The following TRIQK variants were observed in gnomAD, a reference collection of about 807,000 sequenced individuals.
TRIQK encodes the protein triple QxxK/R motif containing, also known as triple QxxK/R motif-containing protein.
In TRIQK, 10 loss-of-function variants were observed where a neutral mutation model predicts 10.8. That is an observed-to-expected ratio of 0.92 (90% confidence interval 0.57 to 1.57). The LOEUF (loss-of-function observed/expected upper bound fraction) is 1.57, where lower values mean the gene tolerates loss of function less well. TRIQK is among the 40% of genes most tolerant of loss of function. TRIQK has a pLI of 0.00. For missense variants in TRIQK, 107 were observed against 97.7 expected (o/e 1.09, Z -0.40); for synonymous variants, 33 against 33.7 (o/e 0.98, Z 0.07).
intron 4 of TRIQK, among the ~76,000 whole-genome samples, chr8:92,887,397 G>A (rs549561411): frequency 6.6e-6 from 1 of 151,382 alleles, no homozygotes; most frequent in African/African-American, 2.4e-5. Flanking sequence ...TTTTTCATTT[G>A]TGATGTGATG....
chr8:93,000,564 C>T (rs1813199895), intron 1 of TRIQK, among the ~76,000 whole-genome samples: 1 of 152,060 alleles, frequency 6.6e-6, no homozygotes, highest in African/African-American at 2.4e-5. Context: ...AGCTACAATT[C>T]AAGAAGAGAT....
upstream of TRIQK, among the ~76,000 whole-genome samples, chr8:92,966,997 A>AAAAC (rs1391115506): frequency 6.6e-6 from 1 of 150,946 alleles, no homozygotes; most frequent in African/African-American, 2.4e-5. Context: ...AAAAAAAAAA[A>AAAAC]AAAAACTGAG....
intron 1 of TRIQK, among the ~76,000 whole-genome samples, chr8:93,000,567 G>C (rs1813199937): frequency 6.6e-6 from 1 of 152,246 alleles, no homozygotes; most frequent in Middle Eastern, 3.4e-3. Flanking sequence ...TACAATTCAA[G>C]AAGAGATTTG....
intron 2 of TRIQK, among the ~76,000 whole-genome samples, chr8:92,946,704 T>G (rs1367904182): frequency 6.6e-6 from 1 of 151,996 alleles, no homozygotes; most frequent in Non-Finnish European, 1.5e-5. Flanking sequence ...TTGAACCATA[T>G]TTCTCCTTTA....
chr8:92,970,922 G>GT (rs1311320785), upstream of TRIQK, among the ~76,000 whole-genome samples: 1 of 152,076 alleles, frequency 6.6e-6, no homozygotes, highest in Non-Finnish European at 1.5e-5. Context: ...GGTTTTTATA[G>GT]TTTTGGGTTT....
At chr8:92,958,904 A>G (rs1812307915) in intron 1 of TRIQK, among the ~76,000 whole-genome samples, 2 of 152,130 alleles carry the variant, frequency 1.3e-5, no homozygotes, top group Admixed American at 6.6e-5. Flanking sequence ...CCTCTGCGGC[A>G]ATTACACAAC....
At chr8:92,986,675 G>A (rs1813037012) in intron 1 of TRIQK, among the ~76,000 whole-genome samples, 1 of 152,022 alleles carries the variant, frequency 6.6e-6, no homozygotes, top group Non-Finnish European at 1.5e-5. Context: ...CTCCCATTTA[G>A]TTCTACTTTC....
At chr8:93,001,328 T>C (rs1357299648) in intron 1 of TRIQK, among the ~76,000 whole-genome samples, 7 of 147,354 alleles carry the variant, frequency 4.8e-5, no homozygotes, top group Non-Finnish European at 1.5e-5. Flanking sequence ...AAAAATGATA[T>C]AGAGAGGCTA....
chr8:92,983,209 A>G (rs908204780), intron 1 of TRIQK, among the ~76,000 whole-genome samples: 2 of 152,074 alleles, frequency 1.3e-5, no homozygotes, highest in Non-Finnish European at 2.9e-5. Context: ...TAGTTTTGTC[A>G]GACTGCTGAA....
intron 1 of TRIQK, among the ~76,000 whole-genome samples, chr8:92,994,722 C>T (rs1401562527): frequency 1.3e-5 from 2 of 151,818 alleles, no homozygotes; most frequent in African/African-American, 4.8e-5. Flanking sequence ...TACATCAAAC[C>T]AGATACCACC....
chr8:92,937,808 CT>C (rs1372807092), intron 2 of TRIQK, among the ~76,000 whole-genome samples: 2 of 151,688 alleles, frequency 1.3e-5, no homozygotes, highest in Non-Finnish European at 2.9e-5. Context: ...ACCCTCTATC[CT>C]TTGGGATATT....
At chr8:92,893,060 CT>C (rs1186295640) in intron 3 of TRIQK, among the ~76,000 whole-genome samples, 1 of 151,828 alleles carries the variant, frequency 6.6e-6, no homozygotes, top group Non-Finnish European at 1.5e-5. Context: ...TGACCAGTTC[CT>C]TTACAAAACT....
intron 1 of TRIQK, among the ~76,000 whole-genome samples, chr8:93,006,109 G>T (rs1156806059): frequency 7.4e-6 from 1 of 134,870 alleles, no homozygotes; most frequent in African/African-American, 2.8e-5. Context: ...AACCACGGAG[G>T]CGAAAGGGAT....
chr8:92,906,555 T>C (rs1419721924), intron 3 of TRIQK, among the ~76,000 whole-genome samples: 1 of 152,076 alleles, frequency 6.6e-6, no homozygotes, highest in African/African-American at 2.4e-5. Flanking sequence ...CCTGAACCTA[T>C]ATTTCTTTGC....
chr8:92,975,777 T>G (rs1431270892), intron 1 of TRIQK, among the ~76,000 whole-genome samples: 1 of 151,990 alleles, frequency 6.6e-6, no homozygotes, highest in Admixed American at 6.6e-5. Flanking sequence ...GATTAGAGTA[T>G]TTTCTGTCTT....
intron 3 of TRIQK, among the ~76,000 whole-genome samples, chr8:92,908,622 T>C (rs1333279896): frequency 6.6e-6 from 1 of 152,128 alleles, no homozygotes; most frequent in Non-Finnish European, 1.5e-5. Flanking sequence ...TCAATCATAA[T>C]TCTGTCTGGG....
intron 1 of TRIQK, among the ~76,000 whole-genome samples, chr8:92,959,231 G>A (rs1056637774): frequency 2.6e-5 from 4 of 151,768 alleles, no homozygotes; most frequent in Non-Finnish European, 5.9e-5. Flanking sequence ...CTTGCTGGTC[G>A]TAGTTTGCTA....
intron 3 of TRIQK, among the ~76,000 whole-genome samples, chr8:92,913,740 C>T (rs947218860): frequency 9.2e-5 from 14 of 152,118 alleles, no homozygotes; most frequent in African/African-American, 3.1e-4. Flanking sequence ...CAATGATAGA[C>T]TGGATAATGA....
intron 2 of TRIQK, among the ~76,000 whole-genome samples, chr8:92,952,434 C>T (rs1811956581): frequency 6.6e-6 from 1 of 151,956 alleles, no homozygotes; most frequent in South Asian, 2.1e-4. Context: ...CACACACACA[C>T]ACACACACAG....
Sources: gnomAD v4.1 joint callset for allele counts (sites outside exome capture counted in the v4.1 genomes callset) on GRCh38, gnomAD v4.1.1 for gene constraint, MANE v1.5 for transcripts, NCBI Gene and HGNC (gene_info 2026-07-23, HGNC 2026-07-21) for gene names.